GALNT18: variants seen among roughly 807,000 people sequenced by gnomAD.
The protein encoded by GALNT18 is polypeptide N-acetylgalactosaminyltransferase 18.
GALNT18 carries 44 observed loss-of-function variants against 69.5 expected under a neutral mutation model. The ratio of observed to expected loss-of-function variants is 0.63; its 90% confidence interval spans 0.50 to 0.81. GALNT18 has a LOEUF of 0.81. GALNT18 is among the 40% of genes least tolerant of loss of function. GALNT18 has a pLI of 0.00. For missense variants in GALNT18, 715 were observed against 810.0 expected (o/e 0.88, Z 1.42); for synonymous variants, 364 against 318.2 (o/e 1.14, Z -1.53).
chr11:11,520,609 G>A (rs1339949869), intron 1 of GALNT18, among the ~76,000 whole-genome samples: 1 of 152,198 alleles, frequency 6.6e-6, no homozygotes, highest in Non-Finnish European at 1.5e-5. Flanking sequence ...GAGAAGGGCA[G>A]CAGGACGCTG....
intron 3 of GALNT18, among the ~76,000 whole-genome samples, chr11:11,412,771 C>G (rs77737414): frequency 0.015 from 2,270 of 152,300 alleles, 54 homozygotes; most frequent in African/African-American, 0.052. Flanking sequence ...AAAGTGCTCC[C>G]TGCTAACCAT....
In GALNT18 at chr11:11,448,872, G is replaced by C. The variant is rs760698480; in HGVS notation, c.300C>G (p.His100Gln). ...EPFTDSSLFA[H>Q]WGQELSPEGR... ...CTTCGGGGCTGAGCTCCTGGCCCCAGTGTGCAAACAGAGAGGAGTCTGTGA... is the reference window on the plus strand; with the variant it reads ...CTTCGGGGCTGAGCTCCTGGCCCCACTGTGCAAACAGAGAGGAGTCTGTGA... Residue 100 changes from histidine to glutamine, a missense_variant, in exon 2 of 11, where the codon CAC becomes CAG. Transcript: ENST00000227756. The C allele has an allele frequency of 9.3e-6, 15 of 1,608,138 alleles. No homozygotes were observed. Among genetic ancestry groups the C allele is most frequent in the Non-Finnish European group, 1.2e-5 (14 of 1,177,406 alleles).
At chr11:11,460,885 C>T (rs1222172481) in intron 1 of GALNT18, among the ~76,000 whole-genome samples, 2 of 152,116 alleles carry the variant, frequency 1.3e-5, no homozygotes, top group Non-Finnish European at 2.9e-5. Context: ...AATTGTTTTT[C>T]TTTATAAACT....
At chr11:11,288,511 G>T (rs1225290699) in intron 10 of GALNT18, among the ~76,000 whole-genome samples, 1 of 152,148 alleles carries the variant, frequency 6.6e-6, no homozygotes, top group Non-Finnish European at 1.5e-5. Context: ...CGGTTCCATT[G>T]TGTTTACATG....
chr11:11,361,799 C>T (rs1034338173), intron 6 of GALNT18, among the ~76,000 whole-genome samples: 1 of 152,154 alleles, frequency 6.6e-6, no homozygotes, highest in African/African-American at 2.4e-5. Context: ...CCTGACATCA[C>T]GTGTTTTAAA....
chr11:11,508,664 A>T (rs902220471), intron 1 of GALNT18, among the ~76,000 whole-genome samples: 1 of 152,226 alleles, frequency 6.6e-6, no homozygotes, highest in South Asian at 2.1e-4. Flanking sequence ...CATGGTCTTC[A>T]TTCACTTCAC....
chr11:11,272,216 G>C (rs1424523166), intron 10 of GALNT18, among the ~76,000 whole-genome samples: 1 of 152,158 alleles, frequency 6.6e-6, no homozygotes, highest in Non-Finnish European at 1.5e-5. Flanking sequence ...GAGAAACATG[G>C]ACATTTTCAT....
rs1046721589 is a variant in GALNT18, at chr11:11,314,372, C to T, written c.1512+12714G>A. Among the ~76,000 whole-genome samples, 11 of 106,188 alleles carry T rather than the reference C, an allele frequency of 1.0e-4. No homozygotes were observed. Among genetic ancestry groups the T allele is most frequent in the African/African-American group, 4.0e-4 (11 of 27,272 alleles). 69.7% of individuals were successfully genotyped at this position (106,188 alleles called of 152,430 possible). A position where few individuals can be genotyped will look rare whatever the true frequency, so the allele number is the denominator to read the frequency against. On this transcript the variant is annotated intron_variant, in intron 9 of 10. Transcript: ENST00000227756. This position sits in a 1 kb window ranked among gnomAD's most constrained non-coding sequence, Gnocchi z 5.2. ...ATATCATGTGGAATGAATAACAAAT[C>T]AAGCAGCTCCTTTTTTTTTTTTTAG...
intron 1 of GALNT18, among the ~76,000 whole-genome samples, chr11:11,558,585 T>C (rs1415356628): frequency 6.6e-6 from 1 of 152,222 alleles, no homozygotes; most frequent in African/African-American, 2.4e-5. Context: ...ATTTCCACCC[T>C]TCTTTAGAAG....
At chr11:11,360,899 C>A (rs1193169236) in intron 6 of GALNT18, among the ~76,000 whole-genome samples, 1 of 152,158 alleles carries the variant, frequency 6.6e-6, no homozygotes, top group Non-Finnish European at 1.5e-5. Context: ...AAAAATACCA[C>A]ATAAAAGGTG....
chr11:11,452,037 A>C (rs186370037), intron 1 of GALNT18, among the ~76,000 whole-genome samples: 247 of 152,334 alleles, frequency 1.6e-3, no homozygotes, highest in African/African-American at 5.5e-3. Context: ...GACAGAGATG[A>C]TATGACCCGA....
chr11:11,419,619 A>AAAAAAAAAAAAAAAAGAAAG (rs1554932034), intron 3 of GALNT18, among the ~76,000 whole-genome samples: 2 of 128,356 alleles, frequency 1.6e-5, no homozygotes, highest in East Asian at 4.6e-4. Flanking sequence ...AAAAAAAAAA[A>AAAAAAAAAAAAAAAAGAAAG]AAAGAAAGAA....
At position 11,439,748 on chromosome 11, in the gene GALNT18, A is replaced by C. The variant is rs2133806450; in HGVS notation, c.429-6961T>G. On this transcript the variant is annotated intron_variant, in intron 2 of 10. Coordinates refer to ENST00000227756, the MANE Select transcript of GALNT18 (RefSeq NM_198516.3). This position sits in a 1 kb window ranked among gnomAD's most constrained non-coding sequence, Gnocchi z 4.4. Reference sequence around the variant, plus strand: ...AATAAATGAACAGCAGAAAGAATTCAGGTCCATAAGGGCTCTGTGGATGGG... The same window carrying C: ...AATAAATGAACAGCAGAAAGAATTCCGGTCCATAAGGGCTCTGTGGATGGG... Among the ~76,000 whole-genome samples, 1 of 152,304 alleles carries C rather than the reference A, an allele frequency of 6.6e-6. No individual in the cohort carries two copies. Among genetic ancestry groups the C allele is most frequent in the Admixed American group, 6.5e-5 (1 of 15,304 alleles).
chr11:11,281,902 C>G (rs1849083924), intron 10 of GALNT18, among the ~76,000 whole-genome samples: 1 of 151,844 alleles, frequency 6.6e-6, no homozygotes, highest in Non-Finnish European at 1.5e-5. Flanking sequence ...GGAGAGCTCC[C>G]TCCCTGGAGG....
rs540718414 is a variant in GALNT18 at position 11,318,599 on chromosome 11, T to C, written c.1512+8487A>G. 3.2e-4 allele frequency among the ~76,000 whole-genome samples: 49 copies of C among 152,282 alleles called. No homozygotes were observed. The highest frequency in any genetic ancestry group is 1.1e-3 in the African/African-American group (46 of 41,554). On this transcript the variant is annotated intron_variant, in intron 9 of 10. Coordinates refer to ENST00000227756, the MANE Select transcript of GALNT18 (RefSeq NM_198516.3). The surrounding 1 kb of genome is among the most constrained non-coding windows in gnomAD (Gnocchi z 5.1). ...TTTTCTGTCGTTTAAGTCTCGCAGC[T>C]TGTGGTACTTTGTTACGGAAGCCCT...
chr11:11,501,980 AT>A (rs1856981476), intron 1 of GALNT18, among the ~76,000 whole-genome samples: 2 of 152,170 alleles, frequency 1.3e-5, no homozygotes, highest in Admixed American at 1.3e-4. Flanking sequence ...TTGCAAGAAG[AT>A]CTGTGGAGGC....
rs1856048826 is a variant in GALNT18, at chr11:11,461,763, G to C, written c.236-12827C>G. On this transcript the variant is annotated intron_variant, in intron 1 of 10. Coordinates refer to ENST00000227756, the MANE Select transcript of GALNT18 (RefSeq NM_198516.3). The surrounding 1 kb of genome is among the most constrained non-coding windows in gnomAD (Gnocchi z 4.1). ...CACACGGATGGGAACAGCTGGGCTA[G>C]ACAGGGAGAAAGCAGTGTGGCCCTT... 6.6e-6 allele frequency among the ~76,000 whole-genome samples: 1 copy of C among 152,230 alleles called. No individual in the cohort carries two copies. The highest frequency in any genetic ancestry group is 2.1e-4 in the South Asian group (1 of 4,832).
chr11:11,280,504 T>C (rs1317671305), intron 10 of GALNT18, among the ~76,000 whole-genome samples: 1 of 152,086 alleles, frequency 6.6e-6, no homozygotes, highest in African/African-American at 2.4e-5. Flanking sequence ...ATCCTTGTCT[T>C]GAGCTCCCCT....
intron 10 of GALNT18, among the ~76,000 whole-genome samples, chr11:11,289,602 A>T (rs934717233): frequency 6.6e-6 from 1 of 152,214 alleles, no homozygotes; most frequent in Non-Finnish European, 1.5e-5. Context: ...CATAGCCAGG[A>T]TGGACAGACA....
Sources: gnomAD v4.1 joint callset for allele counts (sites outside exome capture counted in the v4.1 genomes callset) on GRCh38, gnomAD v4.1.1 for gene constraint, Gnocchi (gnomAD v3.1) non-coding constraint, MANE v1.5 for transcripts, NCBI Gene and HGNC (gene_info 2026-07-23, HGNC 2026-07-21) for gene names.